Variants in TRIM71 observed in about 807,000 individuals in gnomAD.
TRIM71 encodes E3 ubiquitin-protein ligase TRIM71.
A neutral mutation model predicts 61.2 loss-of-function variants in TRIM71; 9 were observed. That is an observed-to-expected ratio of 0.15 (90% CI 0.09 to 0.26). The LOEUF (loss-of-function observed/expected upper bound fraction) is 0.26. Among genes scored for constraint, TRIM71 ranks in the 10% least tolerant of loss-of-function variants. TRIM71 has a pLI of 1.00. For synonymous variants in TRIM71, 645 were observed against 553.2 expected, an observed-to-expected ratio of 1.17 and a Z score of -2.33; for missense variants, 998 against 1,238.7, an observed-to-expected ratio of 0.81 and a Z score of 2.92.
intron 1 of TRIM71, among the ~76,000 whole-genome samples, chr3:32,839,575 A>C (rs1055069125): frequency 1.9e-4 from 27 of 143,164 alleles, no homozygotes; most frequent in African/African-American, 6.8e-4. Context: ...AAGCCCCAGA[A>C]CTTACAGTAG....
chr3:32,856,521 G>A (rs926225534), intron 1 of TRIM71, among the ~76,000 whole-genome samples: 1 of 152,146 alleles, frequency 6.6e-6, no homozygotes, highest in African/African-American at 2.4e-5. Context: ...ATAAGGAAAT[G>A]TACTGGATGT....
Position 32,890,890 on chromosome 3 carries a change from A to G in TRIM71, c.1686A>G (p.Val562=), listed in dbSNP as rs766989546. The G allele has an allele frequency of 4.4e-5, 71 of 1,614,104 alleles. No individual in the cohort carries two copies. The highest frequency in any genetic ancestry group is 6.6e-5 in the South Asian group (6 of 91,084). ...YRPQLEGEHL[V]SVTLCNQHIE... ...CCCAGCTGGAGGGTGAGCACCTGGT[A>G]TCTGTGACACTGTGCAACCAGCACA... is the stretch of plus-strand genomic sequence containing the variant. The change falls in exon 4 of 4, where the codon GTA becomes GTG. Residue 562 remains valine (V), a synonymous_variant. Transcript: ENST00000383763. This position sits in a 1 kb window ranked among gnomAD's most constrained non-coding sequence, Gnocchi z 6.2.
Position 32,890,306 on chromosome 3 carries a change from C to T in TRIM71, c.1156-54C>T. The T allele has an allele frequency of 6.4e-7, 1 of 1,560,152 alleles. No individual in the cohort carries two copies. The highest frequency in any genetic ancestry group is 1.2e-5 in the South Asian group (1 of 82,768). On this transcript the variant is annotated intron_variant, in intron 3 of 3. Transcript: ENST00000383763. This position sits in a 1 kb window ranked among gnomAD's most constrained non-coding sequence, Gnocchi z 6.2. Reference sequence around the variant, plus strand: ...TTAGTTGTGGCTTATGTGGTATTTTCTGTGCTTGGCTCTAAGCCTCTGTGT... The same window carrying T: ...TTAGTTGTGGCTTATGTGGTATTTTTTGTGCTTGGCTCTAAGCCTCTGTGT...
At chr3:32,833,159 G>A (rs1017877051) in intron 1 of TRIM71, among the ~76,000 whole-genome samples, 3 of 119,380 alleles carry the variant, frequency 2.5e-5, no homozygotes, top group Non-Finnish European at 3.4e-5. Context: ...CTCCAGCCTC[G>A]GTGACAAGAA....
rs536140726 is a variant in TRIM71 at position 32,818,223 on chromosome 3, G to A, written c.143G>A (p.Gly48Asp). Reference sequence around the variant, plus strand: ...ACGTCGTCGGGGGGCGGCGGCGGGGGCCCTGGGGCGGCGGCGCGCCGCCTA... The same window carrying A: ...ACGTCGTCGGGGGGCGGCGGCGGGGACCCTGGGGCGGCGGCGCGCCGCCTA... The part of the protein sequence containing the change: ...TSTSSGGGGG[G>D]PGAAARRLHV... The change falls in exon 1 of 4, where the codon GGC (glycine) becomes GAC (aspartate). Residue 48 changes from glycine (G) to aspartate (D), a missense_variant. Gly to Asp is a moderately conservative substitution (Grantham distance 94). Transcript: ENST00000383763. 7 of 1,524,060 alleles carry A rather than the reference G, an allele frequency of 4.6e-6. No individual in the cohort carries two copies. Among genetic ancestry groups the A allele is most frequent in the South Asian group, 1.2e-5 (1 of 81,652 alleles). 94.4% of individuals were successfully genotyped at this position (1,524,060 alleles called of 1,614,324 possible). A position where few individuals can be genotyped will look rare whatever the true frequency, so the allele number is the denominator to read the frequency against.
rs187944669 is a variant in TRIM71, at chr3:32,872,315, C to G, written c.853-1503C>G. ...AACCCATCCTAGATTACACACTTCC[C>G]TATTAACTCAATTAGCCCCGAGTGG... On this transcript the variant is annotated intron_variant, in intron 1 of 3. Coordinates refer to ENST00000383763, the MANE Select transcript of TRIM71 (RefSeq NM_001039111.3). 1.4e-3 allele frequency among the ~76,000 whole-genome samples: 213 copies of G among 152,224 alleles called. 2 individuals carry two copies. The highest frequency in any genetic ancestry group is 5.0e-3 in the African/African-American group (208 of 41,544).
chr3:32,846,589 ACTTAAGT>A (rs1696477505), intron 1 of TRIM71, among the ~76,000 whole-genome samples: 1 of 152,020 alleles, frequency 6.6e-6, no homozygotes, highest in Non-Finnish European at 1.5e-5. Context: ...GCTCTTGAAA[ACTTAAGT>A]CTTCCTGTCT....
intron 1 of TRIM71, among the ~76,000 whole-genome samples, chr3:32,856,712 C>G (rs915618668): frequency 6.6e-6 from 1 of 152,208 alleles, no homozygotes; most frequent in African/African-American, 2.4e-5. Context: ...TTCTTTTCAA[C>G]GAGCAAACAA....
chr3:32,874,468 T>A (rs1398929751), intron 2 of TRIM71, among the ~76,000 whole-genome samples: 1 of 152,018 alleles, frequency 6.6e-6, no homozygotes, highest in Non-Finnish European at 1.5e-5. Context: ...ATTCAAGTGA[T>A]TCTCCTCCCT....
intron 1 of TRIM71, among the ~76,000 whole-genome samples, chr3:32,827,481 C>T (rs910903344): frequency 2.0e-5 from 3 of 151,438 alleles, no homozygotes; most frequent in African/African-American, 4.9e-5. Context: ...AGGCTGGTCT[C>T]GAACTCCTGA....
intron 2 of TRIM71, among the ~76,000 whole-genome samples, chr3:32,885,731 T>G (rs1482874947): frequency 6.6e-6 from 1 of 152,210 alleles, no homozygotes; most frequent in Non-Finnish European, 1.5e-5. Context: ...GAAATCCAGC[T>G]CTTGCCAGCA....
intron 2 of TRIM71, among the ~76,000 whole-genome samples, chr3:32,879,808 A>G (rs1305090839): frequency 6.6e-6 from 1 of 151,820 alleles, no homozygotes; most frequent in East Asian, 2.0e-4. Context: ...TCTTGTCTCT[A>G]CAAAAAATGA....
intron 1 of TRIM71, among the ~76,000 whole-genome samples, chr3:32,851,414 A>G (rs753845175): frequency 3.3e-5 from 5 of 152,178 alleles, no homozygotes; most frequent in African/African-American, 4.8e-5. Context: ...TTGAAGACTT[A>G]GCGTTGTCCT....
intron 1 of TRIM71, among the ~76,000 whole-genome samples, chr3:32,821,152 C>T (rs190089765): frequency 2.1e-4 from 32 of 152,210 alleles, no homozygotes; most frequent in African/African-American, 2.9e-4. Context: ...AATATTGTTC[C>T]TTTAAAAAGT....
chr3:32,837,643 C>A (rs1301082396), intron 1 of TRIM71, among the ~76,000 whole-genome samples: 1 of 152,100 alleles, frequency 6.6e-6, no homozygotes, highest in East Asian at 1.9e-4. Flanking sequence ...CTTGGTGAAA[C>A]CCCCTCCCTA....
intron 1 of TRIM71, among the ~76,000 whole-genome samples, chr3:32,828,802 A>G (rs1307924524): frequency 2.0e-5 from 3 of 151,924 alleles, no homozygotes; most frequent in African/African-American, 7.3e-5. Flanking sequence ...TCTGGCCCCA[A>G]TTTACATTTT....
At chr3:32,874,804 G>C (rs955577077) in intron 2 of TRIM71, among the ~76,000 whole-genome samples, 2 of 150,832 alleles carry the variant, frequency 1.3e-5, no homozygotes, top group African/African-American at 2.4e-5. Context: ...GAGCTACTGA[G>C]CCCAGCCAAT....
chr3:32,864,972 C>T (rs1453131777), intron 1 of TRIM71, among the ~76,000 whole-genome samples: 1 of 151,966 alleles, frequency 6.6e-6, no homozygotes, highest in Admixed American at 6.6e-5. Context: ...ATCCCCTCCT[C>T]TCCTTTTACC....
chr3:32,818,344 G>C lies in TRIM71; in HGVS notation c.264G>C (p.Lys88Asn), dbSNP rs1256694021. ...AGGGAAGEPLKLRCPVCDQKV... is the reference protein window; with the variant it reads ...AGGGAAGEPLNLRCPVCDQKV... ...GCGGCGCGGCGGGAGAGCCGCTCAA[G>C]CTGCGCTGCCCCGTGTGCGACCAGA... Residue 88 changes from lysine (K) to asparagine (N), a missense_variant, in exon 1 of 4, where the codon AAG becomes AAC. By Grantham distance (94) the Lys-to-Asn change is moderately conservative. Transcript: ENST00000383763. 1.4e-6 allele frequency: 2 copies of C among 1,453,516 alleles called. No individual in the cohort carries two copies. Among genetic ancestry groups the C allele is most frequent in the Non-Finnish European group, 1.8e-6 (2 of 1,107,414 alleles). The allele number at this position is 1,453,516 out of a possible 1,614,324, so 90.0% of individuals were successfully genotyped here. A position where few individuals can be genotyped will look rare whatever the true frequency, so the allele number is the denominator to read the frequency against.
Sources: allele counts gnomAD v4.1 joint callset (sites outside exome capture counted in the v4.1 genomes callset), GRCh38; gene constraint gnomAD v4.1.1; non-coding constraint Gnocchi (gnomAD v3.1); transcripts MANE v1.5; gene names NCBI Gene and HGNC (gene_info 2026-07-23, HGNC 2026-07-21).